The following ESRRG variants were observed in gnomAD, a reference collection of about 807,000 sequenced individuals.
ESRRG encodes estrogen-related receptor gamma.
Under a neutral mutation model 44.0 loss-of-function variants are expected in ESRRG, and 13 were observed. That is an observed-to-expected ratio of 0.30 (90% CI 0.19 to 0.47). The LOEUF (loss-of-function observed/expected upper bound fraction) is 0.47. Ranked by LOEUF, ESRRG falls within the 20% of genes least tolerant of loss-of-function variation. The probability of loss-of-function intolerance (pLI) is 1.00; values close to 1 mark genes in which losing one functional copy is unlikely to be tolerated. For synonymous variants in ESRRG, 215 were observed against 214.6 expected, an observed-to-expected ratio of 1.00 and a Z score of -0.02; for missense variants, 395 against 580.6, an observed-to-expected ratio of 0.68 and a Z score of 3.29.
intron 5 of ESRRG, among the ~76,000 whole-genome samples, chr1:216,539,411 G>C: frequency 6.6e-6 from 1 of 151,852 alleles, no homozygotes; most frequent in African/African-American, 2.4e-5. Context: ...TATTATGTGA[G>C]ACAACACACT....
At chr1:216,530,109 CAAA>C (rs34108833) in intron 5 of ESRRG, among the ~76,000 whole-genome samples, 2,293 of 62,572 alleles carry the variant, frequency 0.037, 5 homozygotes, top group African/African-American at 0.058. Flanking sequence ...GAGACTCCAT[CAAA>C]AAAAAAAAAA....
chr1:216,924,154 T>TC (rs2062204082), intron 2 of ESRRG, among the ~76,000 whole-genome samples: 1 of 151,958 alleles, frequency 6.6e-6, no homozygotes, highest in African/African-American at 2.4e-5. Context: ...CTCCCACATT[T>TC]CCCCCTCCAC....
At chr1:216,868,290 G>A (rs1836965) in intron 2 of ESRRG, among the ~76,000 whole-genome samples, 75,612 of 151,612 alleles carry the variant, frequency 0.5, 21,716 homozygotes, top group African/African-American at 0.8. Flanking sequence ...GTTTCACCAT[G>A]TTAGTCAAGC....
chr1:216,544,605 C>A (rs1469860736), intron 5 of ESRRG, among the ~76,000 whole-genome samples: 1 of 152,008 alleles, frequency 6.6e-6, no homozygotes, highest in African/African-American at 2.4e-5. Context: ...TTAGCATCAA[C>A]CTCCTCTCAA....
chr1:216,754,260 T>C (rs1454410896), intron 2 of ESRRG, among the ~76,000 whole-genome samples: 1 of 152,036 alleles, frequency 6.6e-6, no homozygotes, highest in Non-Finnish European at 1.5e-5. Context: ...CCCTGGGGAA[T>C]CCCAGGCCTT....
intron 1 of ESRRG, chr1:217,137,644 C>T (rs1193697702): frequency 6.6e-6 from 1 of 152,532 alleles, no homozygotes; most frequent in Non-Finnish European, 1.5e-5. Flanking sequence ...CGCTGCCGGG[C>T]TTGTGCGCCC....
rs1035256700 is a variant in ESRRG, at chr1:217,080,629, G to GT, written c.-106+8877dup. Reference sequence around the variant, plus strand: ...TTCTGGGTCCACTCCAGTTTCTAGTGTTTTTTTGTTTGTTTGTTTGTTTGT... The same window carrying GT: ...TTCTGGGTCCACTCCAGTTTCTAGTGTTTTTTTTGTTTGTTTGTTTGTTTGT... On this transcript the variant is annotated intron_variant, in intron 1 of 7. Coordinates refer to the ESRRG transcript ENST00000359162. Among the ~76,000 whole-genome samples the GT allele has an allele frequency of 2.3e-5, 3 of 132,760 alleles. No homozygotes were observed. In the East Asian group the frequency reaches 6.8e-4, roughly 30 times the overall value. 87.1% of individuals were successfully genotyped at this position (132,760 alleles called of 152,430 possible).
chr1:216,808,710 C>T (rs2094876318), intron 2 of ESRRG, among the ~76,000 whole-genome samples: 1 of 152,100 alleles, frequency 6.6e-6, no homozygotes, highest in South Asian at 2.1e-4. Context: ...AGACATGAAC[C>T]ACCATGCCTG....
intron 2 of ESRRG, among the ~76,000 whole-genome samples, chr1:216,747,007 A>G (rs998871360): frequency 2.6e-5 from 4 of 152,178 alleles, no homozygotes; most frequent in African/African-American, 9.6e-5. Context: ...AGGAAACCTC[A>G]TCAAAGAACT....
chr1:216,791,269 T>TA (rs2094311233), intron 2 of ESRRG, among the ~76,000 whole-genome samples: 1 of 152,096 alleles, frequency 6.6e-6, no homozygotes, highest in East Asian at 2.0e-4. Context: ...TCTGATCATT[T>TA]AAAAGTGCGT....
chr1:216,811,627 T>C (rs1310303273), intron 2 of ESRRG, among the ~76,000 whole-genome samples: 1 of 152,184 alleles, frequency 6.6e-6, no homozygotes, highest in South Asian at 2.1e-4. Flanking sequence ...GCAATTTTAC[T>C]ATTAAGTCAG....
intron 1 of ESRRG, among the ~76,000 whole-genome samples, chr1:217,104,683 G>C (rs79294019): frequency 0.018 from 2,758 of 152,248 alleles, 85 homozygotes; most frequent in African/African-American, 0.063. Flanking sequence ...GTAGGAAAGG[G>C]TCTAGAGAAT....
At chr1:216,592,654 C>T (rs970301186) in intron 3 of ESRRG, among the ~76,000 whole-genome samples, 1 of 152,122 alleles carries the variant, frequency 6.6e-6, no homozygotes, top group Non-Finnish European at 1.5e-5. Flanking sequence ...GCATGCACCA[C>T]CACGCCCAGC....
At chr1:216,523,594 A>G (rs191759129) in intron 5 of ESRRG, among the ~76,000 whole-genome samples, 6 of 151,832 alleles carry the variant, frequency 4.0e-5, no homozygotes, top group Admixed American at 3.9e-4. Flanking sequence ...GGCAAAAAAT[A>G]TCTGACGGCT....
At chr1:216,570,924 T>C (rs2060663637) in intron 3 of ESRRG, among the ~76,000 whole-genome samples, 1 of 152,194 alleles carries the variant, frequency 6.6e-6, no homozygotes, top group Non-Finnish European at 1.5e-5. Context: ...ACACTACATA[T>C]TCTCCAACCC....
chr1:217,076,357 A>G (rs1191492928), intron 1 of ESRRG, among the ~76,000 whole-genome samples: 1 of 152,184 alleles, frequency 6.6e-6, no homozygotes, highest in Admixed American at 6.5e-5. Flanking sequence ...TTTTAAAATA[A>G]GCATAGCAGA....
At chr1:216,677,530 G>A (rs2076314974) in intron 1 of ESRRG, 39 bp from the exon 2 acceptor site, 4 of 1,536,986 alleles carry the variant, frequency 2.6e-6, no homozygotes, top group South Asian at 1.2e-5. Context: ...AGAAAGAGGA[G>A]AGAGTGTCAA....
intron 1 of ESRRG, among the ~76,000 whole-genome samples, chr1:217,071,238 C>T (rs921809764): frequency 6.6e-6 from 1 of 151,986 alleles, no homozygotes; most frequent in South Asian, 2.1e-4. Context: ...TATTGGGTCT[C>T]TCCTTCATTG....
intron 2 of ESRRG, among the ~76,000 whole-genome samples, chr1:216,821,173 C>G (rs2095278828): frequency 6.6e-6 from 1 of 152,158 alleles, no homozygotes; most frequent in Non-Finnish European, 1.5e-5. Context: ...GTTGTCACCG[C>G]TCTTACCTTA....
Sources: allele counts gnomAD v4.1 joint callset (sites outside exome capture counted in the v4.1 genomes callset), GRCh38; gene constraint gnomAD v4.1.1; transcripts MANE v1.5; gene names NCBI Gene and HGNC (gene_info 2026-07-23, HGNC 2026-07-21).